CACNG5: variants seen among roughly 807,000 people sequenced by gnomAD.
CACNG5 encodes calcium voltage-gated channel auxiliary subunit gamma 5, also known as voltage-dependent calcium channel gamma-5 subunit.
CACNG5 carries 18 observed loss-of-function variants against 24.8 expected under a neutral mutation model. The ratio of observed to expected loss-of-function variants is 0.73; its 90% CI spans 0.50 to 1.08. CACNG5 has a LOEUF of 1.08. Ranked by LOEUF, CACNG5 falls within the 50% of genes least tolerant of loss-of-function variation. CACNG5 has a pLI of 0.00. For missense variants in CACNG5, 349 were observed against 367.9 expected, an observed-to-expected ratio of 0.95 and a Z score of 0.42; for synonymous variants, 157 against 149.1, an observed-to-expected ratio of 1.05 and a Z score of -0.39.
At chr17:66,884,708 C>T in intron 5 of CACNG5, 47 bp downstream of exon 5, 1 of 1,614,194 alleles carries the variant, frequency 6.2e-7, no homozygotes, top group South Asian at 1.1e-5. Context: ...CTGGGCACTG[C>T]CCCACTGAGC....
At chr17:66,863,177 G>C (rs1568067174) in intron 1 of CACNG5, among the ~76,000 whole-genome samples, 1 of 151,792 alleles carries the variant, frequency 6.6e-6, no homozygotes, top group African/African-American at 2.4e-5. Flanking sequence ...TACCCAACAA[G>C]TTTTGATAAG....
At chr17:66,857,585 A>G (rs1221279228) in intron 1 of CACNG5, among the ~76,000 whole-genome samples, 1 of 152,206 alleles carries the variant, frequency 6.6e-6, no homozygotes, top group East Asian at 1.9e-4. Context: ...CATCTTAGAA[A>G]TCTGGGGTAT....
intron 1 of CACNG5, among the ~76,000 whole-genome samples, chr17:66,861,208 G>A (rs980675004): frequency 1.3e-5 from 2 of 150,488 alleles, no homozygotes; most frequent in Non-Finnish European, 3.0e-5. Flanking sequence ...CTGTATTGAA[G>A]TAAGGAAATG....
chr17:66,857,876 AC>A (rs1976803362), intron 1 of CACNG5, among the ~76,000 whole-genome samples: 1 of 152,192 alleles, frequency 6.6e-6, no homozygotes, highest in South Asian at 2.1e-4. Flanking sequence ...CCAGAAGGTC[AC>A]ATATAGTTGG....
In CACNG5 at chr17:66,861,997, C is replaced by T. The variant is rs138039065; in HGVS notation, c.-103-15233C>T. On this transcript the variant is annotated intron_variant, in intron 1 of 5. Coordinates refer to ENST00000533854, the MANE Select transcript of CACNG5 (RefSeq NM_145811.3). ...TGGTGTGGGAGTTGGGTGGTGGCTCCCTTCATCTTGGGGCTGGTCTTTGGG... is the reference window on the plus strand; with the variant it reads ...TGGTGTGGGAGTTGGGTGGTGGCTCTCTTCATCTTGGGGCTGGTCTTTGGG... Among the ~76,000 whole-genome samples, 579 of 152,196 alleles carry T rather than the reference C, an allele frequency of 3.8e-3. 1 individual carries two copies. Among genetic ancestry groups the T allele is most frequent in the Non-Finnish European group, 6.3e-3 (427 of 68,000 alleles).
chr17:66,837,278 T>A lies in CACNG5; in HGVS notation c.-104+2028T>A, dbSNP rs186811930. On this transcript the variant is annotated intron_variant, in intron 1 of 5. Coordinates refer to ENST00000533854, the MANE Select transcript of CACNG5 (RefSeq NM_145811.3). Reference sequence around the variant, plus strand: ...CCATCCTTAGAGGTGGGGGAAGAGGTGTGAATTTTAGTAGCAGGGTAGCTC... The same window carrying A: ...CCATCCTTAGAGGTGGGGGAAGAGGAGTGAATTTTAGTAGCAGGGTAGCTC... Among the ~76,000 whole-genome samples the A allele has an allele frequency of 1.1e-4, 17 of 151,962 alleles. No homozygotes were observed. In the East Asian group the frequency reaches 2.7e-3, roughly 24 times the overall value.
At chr17:66,843,808 G>C (rs143991390) in intron 1 of CACNG5, among the ~76,000 whole-genome samples, 1 of 152,252 alleles carries the variant, frequency 6.6e-6, no homozygotes. Context: ...GGTCCTGGGT[G>C]GGGGGAGGCA....
At chr17:66,877,566 G>T in intron 2 of CACNG5, 38 bp downstream of exon 2, 1 of 1,557,916 alleles carries the variant, frequency 6.4e-7, no homozygotes, top group Non-Finnish European at 8.8e-7. Context: ...CCTGCCCCCT[G>T]ACATCACCTG....
rs772824396 is a variant in CACNG5 at position 66,877,412 on chromosome 17, C to T, written c.80C>T (p.Ala27Val). 48 of 1,613,944 alleles carry T rather than the reference C, an allele frequency of 3.0e-5. No homozygotes were observed. The highest frequency in any genetic ancestry group is 6.7e-5 in the East Asian group (3 of 44,888). Reference protein sequence around the residue: ...AVCGLGLLGIAVSTDYWLYLE... With the variant: ...AVCGLGLLGIVVSTDYWLYLE... ...TGTGGCTTGGGCCTCCTGGGTATCG[C>T]GGTCAGCACCGACTACTGGCTGTAC... The change falls in exon 2 of 6, where the codon GCG becomes GTG. Residue 27 changes from alanine to valine, a missense_variant. Coordinates refer to ENST00000533854, the MANE Select transcript of CACNG5 (RefSeq NM_145811.3).
At chr17:66,856,781 G>A (rs1054710244) in intron 1 of CACNG5, among the ~76,000 whole-genome samples, 1 of 151,916 alleles carries the variant, frequency 6.6e-6, no homozygotes, top group Non-Finnish European at 1.5e-5. Context: ...GACCTCAGGT[G>A]ATGCACCTGC....
At chr17:66,846,309 C>T (rs1258295245) in intron 1 of CACNG5, among the ~76,000 whole-genome samples, 1 of 152,144 alleles carries the variant, frequency 6.6e-6, no homozygotes, top group Non-Finnish European at 1.5e-5. Context: ...GCATTTGATA[C>T]ATTCAAATGT....
intron 1 of CACNG5, among the ~76,000 whole-genome samples, chr17:66,846,378 C>T (rs1976638234): frequency 6.6e-6 from 1 of 152,170 alleles, no homozygotes; most frequent in Non-Finnish European, 1.5e-5. Flanking sequence ...GAAGCAGTCA[C>T]TTCCATTCCC....
chr17:66,872,262 T>A (rs945788347), intron 1 of CACNG5, among the ~76,000 whole-genome samples: 2 of 152,222 alleles, frequency 1.3e-5, no homozygotes, highest in Non-Finnish European at 2.9e-5. Flanking sequence ...AAACATTTTA[T>A]CTTGTGATAG....
intron 1 of CACNG5, among the ~76,000 whole-genome samples, chr17:66,854,560 G>A (rs1048799914): frequency 6.6e-6 from 1 of 151,882 alleles, no homozygotes; most frequent in Non-Finnish European, 1.5e-5. Context: ...CAGGCATGGT[G>A]GTGGGCGCCT....
At chr17:66,865,875 T>G (rs1184508476) in intron 1 of CACNG5, among the ~76,000 whole-genome samples, 2 of 150,162 alleles carry the variant, frequency 1.3e-5, no homozygotes, top group East Asian at 3.9e-4. Flanking sequence ...TCTCCTGACC[T>G]CGTGATCCAC....
intron 4 of CACNG5, among the ~76,000 whole-genome samples, chr17:66,883,777 G>T (rs953705963): frequency 1.3e-5 from 2 of 152,152 alleles, no homozygotes; most frequent in African/African-American, 4.8e-5. Context: ...CTGCCCATGG[G>T]GCGTATTTTA....
intron 1 of CACNG5, among the ~76,000 whole-genome samples, chr17:66,870,928 G>A (rs913885761): frequency 7.9e-5 from 12 of 151,820 alleles, no homozygotes; most frequent in South Asian, 2.1e-4. Context: ...TGCAGTGAGC[G>A]GAGATCATGC....
intron 1 of CACNG5, among the ~76,000 whole-genome samples, chr17:66,860,633 GA>G (rs4021789): frequency 0.023 from 3,364 of 147,852 alleles, 109 homozygotes; most frequent in African/African-American, 0.078. Flanking sequence ...CCACTTGACA[GA>G]AAAAAAAAAA....
chr17:66,836,536 C>T (rs1309191760), intron 1 of CACNG5, among the ~76,000 whole-genome samples: 1 of 152,184 alleles, frequency 6.6e-6, no homozygotes, highest in African/African-American at 2.4e-5. Flanking sequence ...CTGTAGCCAG[C>T]CCCTCATGCC....
Sources: gnomAD v4.1 joint callset for allele counts (sites outside exome capture counted in the v4.1 genomes callset) on GRCh38, gnomAD v4.1.1 for gene constraint, MANE v1.5 for transcripts, NCBI Gene and HGNC (gene_info 2026-07-23, HGNC 2026-07-21) for gene names.